Variants in CNTNAP5 observed in about 807,000 individuals in gnomAD.
The protein encoded by CNTNAP5 is contactin-associated protein-like 5.
CNTNAP5 carries 72 observed loss-of-function variants against 150.2 expected under a neutral mutation model. That is an observed-to-expected ratio of 0.48 (90% CI 0.40 to 0.58). The LOEUF (loss-of-function observed/expected upper bound fraction) is 0.58. CNTNAP5 is among the 20% of genes least tolerant of loss of function. The pLI is 0.00. For missense variants in CNTNAP5, 1,636 were observed against 1,626.2 expected, an observed-to-expected ratio of 1.01 and a Z score of -0.10; for synonymous variants, 672 against 619.8, an observed-to-expected ratio of 1.08 and a Z score of -1.25.
At chr2:124,694,438 G>A (rs1679362308) in intron 13 of CNTNAP5, among the ~76,000 whole-genome samples, 1 of 152,088 alleles carries the variant, frequency 6.6e-6, no homozygotes. Context: ...TTTCTATAGT[G>A]AAATATCAGG....
At chr2:124,157,402 T>C in intron 1 of CNTNAP5, among the ~76,000 whole-genome samples, 1 of 152,204 alleles carries the variant, frequency 6.6e-6, no homozygotes. Context: ...GAGAAGAAGC[T>C]GTGTTAGGCT....
At position 124,742,620 on chromosome 2, in the gene CNTNAP5, G is replaced by A. The variant is rs570392952; in HGVS notation, c.2078-4609G>A. Among the ~76,000 whole-genome samples the A allele has an allele frequency of 2.7e-3, 378 of 139,262 alleles. 3 individuals are homozygous for A. Among genetic ancestry groups the A allele is most frequent in the Admixed American group, 4.5e-3 (60 of 13,280 alleles). The allele number at this position is 139,262 out of a possible 152,430, so 91.4% of individuals were successfully genotyped here. ...TAGATATATATTAAACATATTACAC[G>A]CACAGACACACACACACACACACAC... On this transcript the variant is annotated intron_variant, in intron 13 of 23. Transcript: ENST00000682447.
chr2:124,375,838 G>A (rs1341305811), intron 3 of CNTNAP5, among the ~76,000 whole-genome samples: 1 of 152,004 alleles, frequency 6.6e-6, no homozygotes, highest in East Asian at 1.9e-4. Flanking sequence ...TGGATATCTA[G>A]GCAGACAAAA....
chr2:124,747,403 C>G lies in CNTNAP5; in HGVS notation c.2234+18C>G. On this transcript the variant is annotated intron_variant, in intron 14 of 23. Coordinates refer to ENST00000682447, the MANE Select transcript of CNTNAP5 (RefSeq NM_001367498.1). ...GATGAATGGTAATGAGAATCTCCAT[C>G]TTTCTGCAATTGTAGAGAAAGCACA... is the stretch of plus-strand genomic sequence containing the variant. 2 of 1,613,328 alleles carry G rather than the reference C, an allele frequency of 1.2e-6. No individual in the cohort carries two copies. The highest frequency in any genetic ancestry group is 1.7e-6 in the Non-Finnish European group (2 of 1,179,390).
chr2:124,369,785 A>T (rs1690472961), intron 3 of CNTNAP5, among the ~76,000 whole-genome samples: 1 of 152,126 alleles, frequency 6.6e-6, no homozygotes, highest in South Asian at 2.1e-4. Context: ...AAATGCAAGG[A>T]GGTCTTGACT....
At chr2:124,731,826 G>T (rs1680278297) in intron 13 of CNTNAP5, among the ~76,000 whole-genome samples, 1 of 151,480 alleles carries the variant, frequency 6.6e-6, no homozygotes, top group African/African-American at 2.4e-5. Flanking sequence ...GCATGTATGA[G>T]GGTGTATATG....
At chr2:124,805,599 C>T (rs1558782896) in intron 19 of CNTNAP5, among the ~76,000 whole-genome samples, 1 of 152,132 alleles carries the variant, frequency 6.6e-6, no homozygotes, top group African/African-American at 2.4e-5. Flanking sequence ...GAAATAAAGC[C>T]AACAAATATG....
chr2:124,205,104 C>A (rs761649140), intron 1 of CNTNAP5, among the ~76,000 whole-genome samples: 1 of 152,148 alleles, frequency 6.6e-6, no homozygotes, highest in Non-Finnish European at 1.5e-5. Context: ...GAAACTGGTA[C>A]GGTGTGACCG....
At chr2:124,094,351 C>A (rs536887525) in intron 1 of CNTNAP5, among the ~76,000 whole-genome samples, 1 of 152,158 alleles carries the variant, frequency 6.6e-6, no homozygotes, top group South Asian at 2.1e-4. Context: ...TCTACCTGAA[C>A]TCCATTTTCT....
chr2:124,167,963 A>G (rs1684844909), intron 1 of CNTNAP5, among the ~76,000 whole-genome samples: 1 of 152,154 alleles, frequency 6.6e-6, no homozygotes, highest in Non-Finnish European at 1.5e-5. Flanking sequence ...GGAAGGAGGC[A>G]CGTTTTTATT....
At position 124,172,611 on chromosome 2, in the gene CNTNAP5, G is replaced by A. The variant is rs113658839; in HGVS notation, c.83-49094G>A. The stretch of plus-strand genomic sequence containing the variant: ...GTATTTTTAGTACAGACAGGATCTC[G>A]CCATGTTGCTCAAGCTGATCTCGAA... On this transcript the variant is annotated intron_variant, in intron 1 of 23. Transcript: ENST00000682447. 9.0e-3 allele frequency among the ~76,000 whole-genome samples: 1,374 copies of A among 152,120 alleles called. 16 individuals are homozygous for A. Among genetic ancestry groups the A allele is most frequent in the African/African-American group, 0.032 (1,307 of 41,492 alleles).
chr2:124,126,079 G>C (rs969814855), intron 1 of CNTNAP5, among the ~76,000 whole-genome samples: 15 of 152,274 alleles, frequency 9.9e-5, no homozygotes, highest in African/African-American at 2.4e-4. Context: ...AGAACTGAAG[G>C]AGATAGAGAC....
rs1283960552 is a variant in CNTNAP5, at chr2:124,524,303, G to A, written c.1328G>A (p.Gly443Asp). 6.2e-7 allele frequency: 1 copy of A among 1,613,584 alleles called. No homozygotes were observed. ...GCTTACTCTCTTGTTTCTCTTGCAG[G>A]CAGCAACTTGAATGATGGCCTGTGG... is the stretch of plus-strand genomic sequence containing the variant. Reference protein sequence around the residue: ...MTERVAEILTGSNLNDGLWHS... With the variant: ...MTERVAEILTDSNLNDGLWHS... The change falls in exon 9 of 24, where the codon GGC becomes GAC. Residue 443 changes from glycine (G) to aspartate (D), a missense_variant and splice_region_variant. Transcript: ENST00000682447.
At chr2:124,716,500 AATTAT>A (rs1480443944) in intron 13 of CNTNAP5, among the ~76,000 whole-genome samples, 9 of 151,676 alleles carry the variant, frequency 5.9e-5, no homozygotes, top group African/African-American at 1.9e-4. Flanking sequence ...CTTTTTATAT[AATTAT>A]ATTAAAAATT....
intron 19 of CNTNAP5, among the ~76,000 whole-genome samples, chr2:124,824,021 G>A (rs866408999): frequency 4.0e-5 from 6 of 151,422 alleles, no homozygotes; most frequent in African/African-American, 1.2e-4. Flanking sequence ...TGGTTCAAGC[G>A]ATTCTCCTTC....
chr2:124,327,013 C>T (rs534107478), intron 3 of CNTNAP5, among the ~76,000 whole-genome samples: 1 of 131,358 alleles, frequency 7.6e-6, no homozygotes, highest in South Asian at 2.6e-4. Context: ...TAGAGTCTCA[C>T]TCTGTCGCCC....
intron 13 of CNTNAP5, among the ~76,000 whole-genome samples, chr2:124,682,741 G>C (rs949923709): frequency 6.6e-6 from 1 of 152,132 alleles, no homozygotes; most frequent in Non-Finnish European, 1.5e-5. Flanking sequence ...AATCTACCAG[G>C]TTCCTCAATC....
At chr2:124,385,676 A>G (rs1690909057) in intron 3 of CNTNAP5, among the ~76,000 whole-genome samples, 1 of 152,218 alleles carries the variant, frequency 6.6e-6, no homozygotes, top group Non-Finnish European at 1.5e-5. Flanking sequence ...CAGAATCAGT[A>G]TATAATTCCA....
At chr2:124,673,503 T>A (rs544390704) in intron 13 of CNTNAP5, among the ~76,000 whole-genome samples, 1 of 152,100 alleles carries the variant, frequency 6.6e-6, no homozygotes, top group South Asian at 2.1e-4. Flanking sequence ...AACTTACGTT[T>A]CTTGAAGGCC....
Sources: gnomAD v4.1 joint callset for allele counts (sites outside exome capture counted in the v4.1 genomes callset) on GRCh38, gnomAD v4.1.1 for gene constraint, MANE v1.5 for transcripts, NCBI Gene and HGNC (gene_info 2026-07-23, HGNC 2026-07-21) for gene names.